Variants in GLMN observed in about 807,000 individuals in gnomAD.
GLMN encodes the protein glomulin, FKBP associated protein.
GLMN carries 75 observed loss-of-function variants against 87.8 expected under a neutral mutation model. The ratio of observed to expected loss-of-function variants is 0.85; its 90% CI spans 0.71 to 1.04. GLMN has a LOEUF of 1.04. Among genes scored for constraint, GLMN ranks in the 50% least tolerant of loss-of-function variants. GLMN has a pLI of 0.00. For synonymous variants in GLMN, 206 were observed against 221.6 expected (o/e 0.93, Z 0.63); for missense variants, 588 against 658.8 (o/e 0.89, Z 1.18).
At chr1:92,317,679 A>C in the GLMN span, among the ~76,000 whole-genome samples, 905 of 152,262 alleles carry the variant, frequency 5.9e-3, 8 homozygotes, top group African/African-American at 0.019. Flanking sequence ...ATACCTAAAA[A>C]TGTATTAAAC....
At chr1:92,312,751 T>C in the GLMN span, among the ~76,000 whole-genome samples, 2 of 152,138 alleles carry the variant, frequency 1.3e-5, no homozygotes, top group Non-Finnish European at 2.9e-5. Flanking sequence ...TACAATCAAC[T>C]TCTTCCAAGC....
At chr1:92,269,100 TG>T (rs1161627436) in intron 9 of GLMN, among the ~76,000 whole-genome samples, 3 of 151,822 alleles carry the variant, frequency 2.0e-5, no homozygotes, top group Admixed American at 2.0e-4. Flanking sequence ...TTCTATTTTT[TG>T]TAGAGAGAGA....
the GLMN span, among the ~76,000 whole-genome samples, chr1:92,327,223 G>A: frequency 4.9e-4 from 74 of 152,276 alleles, no homozygotes; most frequent in South Asian, 8.3e-4. Flanking sequence ...TCAGGAACAG[G>A]TCTTGATGAC....
At chr1:92,299,170 CT>C, upstream of GLMN, 2 of 1,410,810 alleles carry the variant, frequency 1.4e-6, no homozygotes, top group Non-Finnish European at 1.9e-6. Flanking sequence ...TCTCTTCCCA[CT>C]TTTGGACCCT....
chr1:92,253,225 T>G (rs963851909), intron 16 of GLMN, among the ~76,000 whole-genome samples: 1 of 151,962 alleles, frequency 6.6e-6, no homozygotes, highest in Admixed American at 6.6e-5. Flanking sequence ...AGATTCCTCC[T>G]CTCTCTGGGC....
chr1:92,320,641 T>C, the GLMN span: 44 of 1,601,066 alleles, frequency 2.7e-5, no homozygotes, highest in Admixed American at 1.2e-4. Context: ...AAAGGTATGG[T>C]TGAATCAGTA....
the GLMN span, among the ~76,000 whole-genome samples, chr1:92,344,395 A>G: frequency 6.6e-6 from 1 of 152,056 alleles, no homozygotes; most frequent in Non-Finnish European, 1.5e-5. Context: ...ACAGAGCAAG[A>G]CTCTGTCTAA....
intron 16 of GLMN, among the ~76,000 whole-genome samples, chr1:92,259,423 T>C (rs943471315): frequency 1.3e-5 from 2 of 152,108 alleles, no homozygotes; most frequent in Admixed American, 1.3e-4. Context: ...ACAAGAGGCA[T>C]GAAATAGTAG....
chr1:92,275,734 T>C (rs1647232359), intron 7 of GLMN, among the ~76,000 whole-genome samples: 1 of 152,248 alleles, frequency 6.6e-6, no homozygotes, highest in South Asian at 2.1e-4. Flanking sequence ...ACAGATGCTT[T>C]TCAGCATACC....
intron 3 of GLMN, among the ~76,000 whole-genome samples, chr1:92,295,465 C>T (rs182907706): frequency 5.3e-4 from 80 of 152,306 alleles, no homozygotes; most frequent in Non-Finnish European, 9.3e-4. Context: ...TGTACTTAAA[C>T]TCAAAATTTC....
At chr1:92,306,498 A>G in the GLMN span, among the ~76,000 whole-genome samples, 1 of 152,272 alleles carries the variant, frequency 6.6e-6, no homozygotes, top group Non-Finnish European at 1.5e-5. Flanking sequence ...TACTCTAACA[A>G]TGGAATGTAG....
chr1:92,298,689 C>T (rs1477724763), intron 1 of GLMN, among the ~76,000 whole-genome samples: 5 of 152,178 alleles, frequency 3.3e-5, no homozygotes, highest in African/African-American at 1.2e-4. Context: ...GCCCCAAGCC[C>T]TCAGTAGGGG....
At chr1:92,282,162 A>G (rs1648138235) in intron 7 of GLMN, among the ~76,000 whole-genome samples, 1 of 152,236 alleles carries the variant, frequency 6.6e-6, no homozygotes, top group East Asian at 1.9e-4. Context: ...CCAAATCAAC[A>G]GAATATACAT....
At chr1:92,320,015 A>G in the GLMN span, among the ~76,000 whole-genome samples, 1 of 152,116 alleles carries the variant, frequency 6.6e-6, no homozygotes, top group Non-Finnish European at 1.5e-5. Context: ...AAAAAAAAGA[A>G]AAAGAAAAAG....
intron 7 of GLMN, among the ~76,000 whole-genome samples, chr1:92,281,717 G>A (rs1009251615): frequency 6.6e-6 from 1 of 152,024 alleles, no homozygotes; most frequent in African/African-American, 2.4e-5. Context: ...GCTGTATTCA[G>A]GAGACCCATC....
chr1:92,341,673 C>A, the GLMN span, among the ~76,000 whole-genome samples: 1 of 152,174 alleles, frequency 6.6e-6, no homozygotes, highest in East Asian at 1.9e-4. Flanking sequence ...TGAGTTGTAT[C>A]TTGCTCTGTC....
the GLMN span, among the ~76,000 whole-genome samples, chr1:92,367,899 A>G: frequency 6.6e-6 from 1 of 152,216 alleles, no homozygotes; most frequent in Non-Finnish European, 1.5e-5. Flanking sequence ...CGCTCAGGAA[A>G]ATCCTTCTAT....
chr1:92,256,271 T>TAA (rs574763064), intron 16 of GLMN, among the ~76,000 whole-genome samples: 1 of 143,590 alleles, frequency 7.0e-6, no homozygotes, highest in Admixed American at 7.0e-5. Flanking sequence ...TAGCCTACAA[T>TAA]AAAAAAAAAA....
chr1:92,355,554 AAGCTTG>A, the GLMN span, among the ~76,000 whole-genome samples: 1 of 152,200 alleles, frequency 6.6e-6, no homozygotes, highest in Non-Finnish European at 1.5e-5. Flanking sequence ...TCTCCATCAT[AAGCTTG>A]GCAGGGAAAT....
Sources: gnomAD v4.1 joint callset for allele counts (sites outside exome capture counted in the v4.1 genomes callset) on GRCh38, gnomAD v4.1.1 for gene constraint, MANE v1.5 for transcripts, NCBI Gene and HGNC (gene_info 2026-07-23, HGNC 2026-07-21) for gene names.